Variants in NRXN3 observed in about 807,000 individuals in gnomAD.
NRXN3 encodes neurexin III.
NRXN3 carries 32 observed loss-of-function variants against 137.6 expected under a neutral mutation model. That is an observed-to-expected ratio of 0.23 (90% CI 0.18 to 0.31). NRXN3 has a LOEUF of 0.31. NRXN3 is among the 10% of genes least tolerant of loss of function. The pLI, the probability that NRXN3 is intolerant of heterozygous loss-of-function variation, is 1.00. For synonymous variants in NRXN3, 798 were observed against 784.5 expected (o/e 1.02, Z -0.29); for missense variants, 1,574 against 2,062.5 (o/e 0.76, Z 4.59).
rs556279062 is a variant in NRXN3 at position 79,357,421 on chromosome 14, G to C, written c.3263-109800G>C. Among the ~76,000 whole-genome samples, 43 of 152,146 alleles carry C rather than the reference G, an allele frequency of 2.8e-4. No homozygotes were observed. The South Asian group carries it at 7.3e-3, about 26-fold the overall frequency. ...TTATCAGCTAATGCCATTTGATTTC[G>C]GTTTGGTTTGGTCAGTCTCAGGGTG... On this transcript the variant is annotated intron_variant, in intron 15 of 20. Transcript: ENST00000335750.
At chr14:79,353,901 G>A (rs923553504) in intron 15 of NRXN3, among the ~76,000 whole-genome samples, 3 of 151,966 alleles carry the variant, frequency 2.0e-5, no homozygotes, top group Non-Finnish European at 2.9e-5. Context: ...TTTATAATTA[G>A]GGAGTAAATT....
At chr14:78,362,990 T>TGAG (rs1379089341) in intron 4 of NRXN3, among the ~76,000 whole-genome samples, 3 of 152,196 alleles carry the variant, frequency 2.0e-5, no homozygotes, top group Non-Finnish European at 1.5e-5. Flanking sequence ...TTGCACCAAG[T>TGAG]GAGTCCTCTT....
chr14:79,841,792 T>G (rs1348353477), intron 20 of NRXN3, among the ~76,000 whole-genome samples: 2 of 152,210 alleles, frequency 1.3e-5, no homozygotes, highest in Non-Finnish European at 2.9e-5. Context: ...TTTATGGAAG[T>G]GAGAACGAGT....
chr14:78,748,226 C>G (rs959534213), intron 8 of NRXN3, among the ~76,000 whole-genome samples: 12 of 152,038 alleles, frequency 7.9e-5, no homozygotes, highest in Admixed American at 1.3e-4. Flanking sequence ...TCAAGGGGAG[C>G]CCAGGATTTC....
At chr14:78,973,943 T>C (rs1431407521) in intron 14 of NRXN3, among the ~76,000 whole-genome samples, 1 of 152,214 alleles carries the variant, frequency 6.6e-6, no homozygotes, top group African/African-American at 2.4e-5. Flanking sequence ...AGCTAACCAG[T>C]ACAAGCGCCT....
rs1417333307 is a variant in NRXN3, at chr14:79,663,925, C to T, written c.3592C>T (p.Pro1198Ser). Residue 1198 changes from proline to serine, a missense_variant, in exon 17 of 21, where the codon CCA becomes TCA. Coordinates refer to ENST00000335750, the MANE Select transcript of NRXN3 (RefSeq NM_001330195.2). ...GNATLQVDNWPVNEHYPTGNT... is the reference protein window; with the variant it reads ...GNATLQVDNWSVNEHYPTGNT... Reference sequence around the variant, plus strand: ...CGCCACCCTGCAGGTGGACAACTGGCCAGTGAATGAACATTATCCTACAGG... The same window carrying T: ...CGCCACCCTGCAGGTGGACAACTGGTCAGTGAATGAACATTATCCTACAGG... 1.2e-6 allele frequency: 2 copies of T among 1,613,524 alleles called. No individual in the cohort carries two copies. The highest frequency in any genetic ancestry group is 2.2e-5 in the South Asian group (2 of 91,084).
chr14:78,939,555 C>T (rs2099348990), intron 10 of NRXN3, among the ~76,000 whole-genome samples: 1 of 152,222 alleles, frequency 6.6e-6, no homozygotes, highest in African/African-American at 2.4e-5. Flanking sequence ...CACCATTGCC[C>T]TCCTGGGGAG....
At chr14:79,338,327 C>T (rs1041643730) in intron 15 of NRXN3, among the ~76,000 whole-genome samples, 3 of 151,718 alleles carry the variant, frequency 2.0e-5, no homozygotes, top group African/African-American at 7.3e-5. Flanking sequence ...AGGATGGTTA[C>T]TTCGTGGAGA....
chr14:78,238,675 C>T (rs2066673005), intron 1 of NRXN3, among the ~76,000 whole-genome samples: 1 of 152,248 alleles, frequency 6.6e-6, no homozygotes, highest in South Asian at 2.1e-4. Context: ...GTTAAGTCTA[C>T]ATAAGCCCAC....
At chr14:79,003,430 A>C (rs1207881392) in intron 15 of NRXN3, among the ~76,000 whole-genome samples, 1 of 152,218 alleles carries the variant, frequency 6.6e-6, no homozygotes, top group Non-Finnish European at 1.5e-5. Flanking sequence ...CTTTACAATG[A>C]AATATTTACA....
chr14:78,669,064 C>T (rs1230305321), intron 6 of NRXN3, among the ~76,000 whole-genome samples: 1 of 151,892 alleles, frequency 6.6e-6, no homozygotes, highest in African/African-American at 2.4e-5. Flanking sequence ...AGCACTTAGC[C>T]TGATCTGAGA....
At chr14:78,872,054 C>T (rs1029683729) in intron 10 of NRXN3, among the ~76,000 whole-genome samples, 2 of 151,922 alleles carry the variant, frequency 1.3e-5, no homozygotes, top group Non-Finnish European at 2.9e-5. Context: ...ATTACTTTCA[C>T]TCTTTTAGTT....
intron 16 of NRXN3, among the ~76,000 whole-genome samples, chr14:79,621,369 A>G (rs747204454): frequency 6.6e-6 from 1 of 152,222 alleles, no homozygotes; most frequent in Non-Finnish European, 1.5e-5. Context: ...GATAGATACC[A>G]TTTTGTGGTA....
rs746702339 is a variant in NRXN3 at position 78,651,230 on chromosome 14, G to A, written c.1125G>A (p.Leu375=). The A allele has an allele frequency of 3.7e-6, 6 of 1,613,922 alleles. No homozygotes were observed. In the South Asian group the frequency reaches 6.6e-5, roughly 18 times the overall value. ...ACACTCAAGAGGACTATACCATGCT[G>A]GGCTCGGACGACTTCTTCTATGTAG... The part of the protein sequence containing the change: ...TGYTQEDYTM[L]GSDDFFYVGG... Residue 375 remains leucine, a synonymous_variant, in exon 6 of 21, where the codon CTG becomes CTA. Transcript: ENST00000335750.
At chr14:79,399,008 CAA>C (rs34172134) in intron 15 of NRXN3, among the ~76,000 whole-genome samples, 2 of 76,168 alleles carry the variant, frequency 2.6e-5, no homozygotes, top group African/African-American at 5.5e-5. Flanking sequence ...GACTCCATCT[CAA>C]AAAAAAAAAA....
chr14:78,847,160 C>T (rs1053740684), intron 10 of NRXN3, among the ~76,000 whole-genome samples: 2 of 152,040 alleles, frequency 1.3e-5, no homozygotes, highest in African/African-American at 4.8e-5. Context: ...CAATGAAACT[C>T]CATATGAGAG....
chr14:79,231,629 G>T lies in NRXN3; in HGVS notation c.3263-235592G>T, dbSNP rs147261051. On this transcript the variant is annotated intron_variant, in intron 15 of 20. Coordinates refer to ENST00000335750, the MANE Select transcript of NRXN3 (RefSeq NM_001330195.2). ...TTACCATGTAGCTCAGAGCTGAAAG[G>T]TAAGAGTCAGAGGCATTCAATGATT... Among the ~76,000 whole-genome samples the T allele has an allele frequency of 2.3e-3, 354 of 152,260 alleles. 1 individual carries two copies. The highest frequency in any genetic ancestry group is 0.017 in the Middle Eastern group (5 of 294).
At chr14:79,038,155 T>C (rs2099619252) in intron 15 of NRXN3, among the ~76,000 whole-genome samples, 1 of 152,102 alleles carries the variant, frequency 6.6e-6, no homozygotes, top group Non-Finnish European at 1.5e-5. Context: ...TGAATGTCCA[T>C]TGAATACAGG....
chr14:78,554,168 C>T lies in NRXN3; in HGVS notation c.758-90952C>T, dbSNP rs1332407334. Among the ~76,000 whole-genome samples, 4 of 152,166 alleles carry T rather than the reference C, an allele frequency of 2.6e-5. No homozygotes were observed. In the East Asian group the frequency reaches 7.7e-4, roughly 29 times the overall value. On this transcript the variant is annotated intron_variant, in intron 4 of 20. Coordinates refer to ENST00000335750, the MANE Select transcript of NRXN3 (RefSeq NM_001330195.2). Reference sequence around the variant, plus strand: ...TGCTAATTTTGTTGGCACTTTGACACCTCCTCCTAATTAATGAGAAATTTA... The same window carrying T: ...TGCTAATTTTGTTGGCACTTTGACATCTCCTCCTAATTAATGAGAAATTTA...
Sources: allele counts gnomAD v4.1 joint callset (sites outside exome capture counted in the v4.1 genomes callset), GRCh38; gene constraint gnomAD v4.1.1; transcripts MANE v1.5; gene names NCBI Gene and HGNC (gene_info 2026-07-23, HGNC 2026-07-21).